The following SERBP1 variants were observed in gnomAD, a reference collection of about 807,000 sequenced individuals.
SERBP1 encodes the protein SERPINE1 mRNA binding protein 1, also known as SERPINE1 mRNA-binding protein 1.
SERBP1 carries 6 observed loss-of-function variants against 50.2 expected under a neutral mutation model. That is an observed-to-expected ratio of 0.12 (90% CI 0.07 to 0.24). SERBP1 has a LOEUF of 0.24. Ranked by LOEUF, SERBP1 falls within the 10% of genes least tolerant of loss-of-function variation. SERBP1 has a pLI of 1.00. For synonymous variants in SERBP1, 168 were observed against 182.8 expected (o/e 0.92, Z 0.65); for missense variants, 346 against 524.9 (o/e 0.66, Z 3.33).
At chr1:67,413,518 C>A (rs377530913) in intron 7 of SERBP1, among the ~76,000 whole-genome samples, 2 of 151,826 alleles carry the variant, frequency 1.3e-5, no homozygotes, top group African/African-American at 4.8e-5. Context: ...GGTGTGGTGG[C>A]AGGCACCTGT....
At chr1:67,427,191 G>GT (rs1464382902) in intron 1 of SERBP1, among the ~76,000 whole-genome samples, 3 of 152,226 alleles carry the variant, frequency 2.0e-5, no homozygotes, top group African/African-American at 7.2e-5. Context: ...TAAGCAACAT[G>GT]TAAGAAATAA....
intron 6 of SERBP1, 113 bp downstream of exon 6, chr1:67,419,896 C>G: frequency 1.2e-6 from 1 of 851,190 alleles, no homozygotes; most frequent in Non-Finnish European, 1.9e-6. Context: ...CCCAAATGAT[C>G]CTATGTAAAG....
intron 5 of SERBP1, chr1:67,420,393 G>A: frequency 2.1e-6 from 1 of 481,606 alleles, no homozygotes. Context: ...GACAAGTAAG[G>A]AATATGGAAT....
intron 2 of SERBP1, 74 bp downstream of exon 2, chr1:67,426,061 G>A: frequency 7.6e-7 from 1 of 1,309,478 alleles, no homozygotes; most frequent in Non-Finnish European, 1.1e-6. Context: ...GCTGCAGTGA[G>A]CCAAGCTTGT....
chr1:67,420,819 A>G (rs1286619162), intron 5 of SERBP1, among the ~76,000 whole-genome samples: 3 of 152,228 alleles, frequency 2.0e-5, no homozygotes, highest in African/African-American at 7.2e-5. Flanking sequence ...AGAACTATCC[A>G]CAAACACACA....
At chr1:67,418,675 T>C (rs1667106730) in intron 6 of SERBP1, among the ~76,000 whole-genome samples, 1 of 152,052 alleles carries the variant, frequency 6.6e-6, no homozygotes, top group Non-Finnish European at 1.5e-5. Context: ...ACAAGAACTG[T>C]TTGAATCCGG....
rs1667541844 is a variant in SERBP1, at chr1:67,430,400, G to A, written c.-100C>T. 3.1e-6 allele frequency: 4 copies of A among 1,282,046 alleles called. No homozygotes were observed. The highest frequency in any genetic ancestry group is 2.5e-5 in the East Asian group (1 of 39,632). 79.4% of individuals were successfully genotyped at this position (1,282,046 alleles called of 1,614,324 possible). On this transcript the variant is annotated 5_prime_UTR_variant, in exon 1 of 8. Transcript: ENST00000361219. Reference sequence around the variant, plus strand: ...TTCCCACAAGATGGCCGGGCCGAGAGAGGGGGGCCGTCTTCTCTTCCGGCG... The same window carrying A: ...TTCCCACAAGATGGCCGGGCCGAGAAAGGGGGGCCGTCTTCTCTTCCGGCG...
At chr1:67,422,029 A>G (rs1667215269) in intron 5 of SERBP1, among the ~76,000 whole-genome samples, 1 of 152,240 alleles carries the variant, frequency 6.6e-6, no homozygotes, top group Non-Finnish European at 1.5e-5. Flanking sequence ...TTCATTGTTT[A>G]TCATGCAAAA....
At chr1:67,428,735 C>CAAAA (rs34354137) in intron 1 of SERBP1, among the ~76,000 whole-genome samples, 14 of 85,750 alleles carry the variant, frequency 1.6e-4, no homozygotes, top group Middle Eastern at 0.015. Context: ...CAAAAGTCCT[C>CAAAA]AAAAAAAAAA....
chr1:67,425,302 C>T (rs1490562220), intron 2 of SERBP1, 79 bp from the exon 3 acceptor site: 2 of 1,344,720 alleles, frequency 1.5e-6, no homozygotes, highest in Non-Finnish European at 1.0e-6. Context: ...ATCAAAAATA[C>T]AGAACATGTT....
intron 6 of SERBP1, among the ~76,000 whole-genome samples, chr1:67,418,699 C>T (rs1667108133): frequency 6.6e-6 from 1 of 151,728 alleles, no homozygotes; most frequent in African/African-American, 2.4e-5. Flanking sequence ...GTGGAGGTTG[C>T]GGTAAGCAGA....
intron 7 of SERBP1, 93 bp downstream of exon 7, chr1:67,415,073 C>G (rs1019740314): frequency 7.3e-7 from 1 of 1,369,710 alleles, no homozygotes; most frequent in African/African-American, 1.5e-5. Context: ...ACTACTTCTA[C>G]TTATGTTCCC....
At chr1:67,425,259 T>C in intron 2 of SERBP1, 36 bp from the exon 3 acceptor site, 2 of 1,543,346 alleles carry the variant, frequency 1.3e-6, no homozygotes. Context: ...CTTCCATGGT[T>C]TCCAGAAGAA....
At chr1:67,420,239 A>C (rs1667157771) in intron 5 of SERBP1, 53 bp from the exon 6 acceptor site, 10 of 1,306,410 alleles carry the variant, frequency 7.7e-6, no homozygotes, top group Non-Finnish European at 1.1e-5. Flanking sequence ...TATTACATAA[A>C]AGTATTTTAA....
rs914950710 is a variant in SERBP1, at chr1:67,412,242, C to T, written c.*965G>A. ...CATTTTGATTTTGGGACCTTTCACA[C>T]ACAGAAATCATACCAAATGGCCAGA... On this transcript the variant is annotated 3_prime_UTR_variant, in exon 8 of 8. Coordinates refer to ENST00000361219, the MANE Select transcript of SERBP1 (RefSeq NM_001018069.2). The T allele has an allele frequency of 2.6e-5, 4 of 152,744 alleles. No individual in the cohort carries two copies. Among genetic ancestry groups the T allele is most frequent in the African/African-American group, 9.6e-5 (4 of 41,558 alleles). 9.5% of individuals were successfully genotyped at this position (152,744 alleles called of 1,614,324 possible).
intron 6 of SERBP1, among the ~76,000 whole-genome samples, chr1:67,419,001 G>A (rs902382651): frequency 1.3e-5 from 2 of 152,138 alleles, no homozygotes; most frequent in African/African-American, 2.4e-5. Flanking sequence ...ACAGGAAGCC[G>A]CACTGAAACA....
intron 1 of SERBP1, among the ~76,000 whole-genome samples, chr1:67,426,761 A>G (rs1667398123): frequency 6.6e-6 from 1 of 152,174 alleles, no homozygotes; most frequent in Admixed American, 6.5e-5. Flanking sequence ...CACTCACTAG[A>G]TATGGCCCCT....
chr1:67,421,400 T>C (rs1164659730), intron 5 of SERBP1, among the ~76,000 whole-genome samples: 1 of 152,220 alleles, frequency 6.6e-6, no homozygotes, highest in South Asian at 2.1e-4. Flanking sequence ...ATATATAAGT[T>C]AGTTCATCAA....
chr1:67,414,913 C>T (rs1189958253), intron 7 of SERBP1, among the ~76,000 whole-genome samples: 3 of 152,144 alleles, frequency 2.0e-5, no homozygotes, highest in African/African-American at 7.2e-5. Context: ...ACATTAAGTA[C>T]ATAAAATGCC....
Sources: gnomAD v4.1 joint callset for allele counts (sites outside exome capture counted in the v4.1 genomes callset) on GRCh38, gnomAD v4.1.1 for gene constraint, MANE v1.5 for transcripts, NCBI Gene and HGNC (gene_info 2026-07-23, HGNC 2026-07-21) for gene names.